Variants in ABCD2 observed in about 807,000 individuals in gnomAD.
ABCD2 encodes ATP binding cassette subfamily D member 2.
ABCD2 carries 36 observed loss-of-function variants against 70.9 expected under a neutral mutation model. That is an observed-to-expected ratio of 0.51 (90% CI 0.39 to 0.67). The LOEUF is 0.67. Among genes scored for constraint, ABCD2 ranks in the 30% least tolerant of loss-of-function variants. ABCD2 has a pLI of 0.00. For missense variants in ABCD2, 729 were observed against 890.2 expected (o/e 0.82, Z 2.30); for synonymous variants, 304 against 306.9 (o/e 0.99, Z 0.10).
rs1247693957 is a variant in ABCD2 at position 39,619,177 on chromosome 12, A to T, written c.439T>A (p.Leu147Ile). Reference protein sequence around the residue: ...EKKPRTFIIKLIKWLMIAIPA... With the variant: ...EKKPRTFIIKIIKWLMIAIPA... ...ATGGCAATCATAAGCCACTTGATTA[A>T]TTTGATGATGAAAGTCCGAGGCTTC... Residue 147 changes from leucine (L) to isoleucine (I), a missense_variant, in exon 1 of 10, where the codon TTA becomes ATA. Transcript: ENST00000308666. 1 of 1,614,218 alleles carries T rather than the reference A, an allele frequency of 6.2e-7. No individual in the cohort carries two copies. The highest frequency in any genetic ancestry group is 1.7e-5 in the Admixed American group (1 of 60,036).
Position 39,551,161 on chromosome 12 carries a change from AC to A in ABCD2, c.*2750del, listed in dbSNP as rs376850848. ...CTTACAAGAACACAAACTGTTTTAG[AC>A]TCATGCTTGGCATAACATTACATGC... On this transcript the variant is annotated 3_prime_UTR_variant, in exon 10 of 10. Transcript: ENST00000308666. The A allele has an allele frequency of 2.1e-3, 317 of 151,740 alleles. 1 individual carries two copies. The highest frequency in any genetic ancestry group is 7.2e-3 in the African/African-American group (297 of 41,528). 9.4% of individuals were successfully genotyped at this position (151,740 alleles called of 1,614,324 possible).
chr12:39,609,922 G>A (rs1942022630), intron 2 of ABCD2, among the ~76,000 whole-genome samples: 1 of 152,080 alleles, frequency 6.6e-6, no homozygotes. Context: ...TTTTTCCTGA[G>A]AGAGCTTACA....
rs530551254 is a variant in ABCD2, at chr12:39,589,476, G to A, written c.1647-3179C>T. On this transcript the variant is annotated intron_variant, in intron 6 of 9. Coordinates refer to ENST00000308666, the MANE Select transcript of ABCD2 (RefSeq NM_005164.4). ...ATCTCGGTGGCTCACTGCAAGCTCC[G>A]CCTCCCGGGTTCTCGCTGTTCTCTT... Among the ~76,000 whole-genome samples the A allele has an allele frequency of 1.9e-3, 268 of 141,886 alleles. 1 individual carries two copies. Among genetic ancestry groups the A allele is most frequent in the African/African-American group, 6.3e-3 (241 of 38,032 alleles). 93.1% of individuals were successfully genotyped at this position (141,886 alleles called of 152,430 possible). A position where few individuals can be genotyped will look rare whatever the true frequency, so the allele number is the denominator to read the frequency against.
chr12:39,559,029 G>T (rs1941211843), intron 9 of ABCD2, among the ~76,000 whole-genome samples: 1 of 152,054 alleles, frequency 6.6e-6, no homozygotes, highest in Admixed American at 6.6e-5. Context: ...TATGAAGAAA[G>T]AATGAAAAGG....
intron 6 of ABCD2, among the ~76,000 whole-genome samples, chr12:39,592,676 G>A (rs776336184): frequency 6.6e-6 from 1 of 152,158 alleles, no homozygotes; most frequent in Non-Finnish European, 1.5e-5. Context: ...ATAGAGTTCT[G>A]TGAGGAGCTC....
the ABCD2 span, among the ~76,000 whole-genome samples, chr12:39,540,492 T>A: frequency 6.6e-6 from 1 of 152,230 alleles, no homozygotes; most frequent in Non-Finnish European, 1.5e-5. Flanking sequence ...AAAGCTATCC[T>A]TTGTGGGAAA....
At chr12:39,570,896 G>C (rs1941438050) in intron 9 of ABCD2, among the ~76,000 whole-genome samples, 1 of 151,986 alleles carries the variant, frequency 6.6e-6, no homozygotes, top group Admixed American at 6.6e-5. Context: ...CAACTAAATA[G>C]CAAGAAAATG....
chr12:39,612,271 C>T (rs1035738582), intron 2 of ABCD2, among the ~76,000 whole-genome samples: 1 of 152,092 alleles, frequency 6.6e-6, no homozygotes, highest in African/African-American at 2.4e-5. Flanking sequence ...AAGATCTGGA[C>T]AAAAATGTTC....
the ABCD2 span, among the ~76,000 whole-genome samples, chr12:39,543,339 CT>C: frequency 1.3e-5 from 2 of 152,182 alleles, no homozygotes; most frequent in African/African-American, 4.8e-5. Context: ...AATTACTCCT[CT>C]CCTCTCTAAG....
chr12:39,534,883 G>GGAAA, the ABCD2 span, among the ~76,000 whole-genome samples: 2,794 of 122,744 alleles, frequency 0.023, 56 homozygotes, highest in East Asian at 0.036. Context: ...AAGGAAGGAA[G>GGAAA]GAAAGAAAGA....
At chr12:39,536,772 G>A in the ABCD2 span, among the ~76,000 whole-genome samples, 48 of 152,238 alleles carry the variant, frequency 3.2e-4, no homozygotes, top group African/African-American at 1.1e-3. Context: ...TTATACCCCT[G>A]TGTTCCATTT....
chr12:39,608,687 CAAATAAAATAAAAT>C (rs1171728538), intron 2 of ABCD2, among the ~76,000 whole-genome samples: 2 of 151,056 alleles, frequency 1.3e-5, no homozygotes, highest in East Asian at 1.9e-4. Flanking sequence ...GACCCTGCCT[CAAATAAAATAAAAT>C]AAATAAAATA....
chr12:39,600,687 A>T lies in ABCD2; in HGVS notation c.1530T>A (p.Thr510=), dbSNP rs764221056. ...AACTTTTCCCACAACCATTGGGACC[A>T]GTTATCAAAAGATGCATTCCTTCTT... is the stretch of plus-strand genomic sequence containing the variant. ...KVEEGMHLLI[T]GPNGCGKSSL... The change falls in exon 6 of 10, where the codon ACT becomes ACA. Residue 510 remains threonine (T), a synonymous_variant. Transcript: ENST00000308666. 3 of 1,611,176 alleles carry T rather than the reference A, an allele frequency of 1.9e-6. No individual in the cohort carries two copies. The East Asian group carries it at 6.7e-5, about 36-fold the overall frequency.
At chr12:39,563,505 A>C (rs556301264) in intron 9 of ABCD2, among the ~76,000 whole-genome samples, 1 of 152,336 alleles carries the variant, frequency 6.6e-6, no homozygotes, top group East Asian at 1.9e-4. Context: ...AGTCCTACCC[A>C]GAGCAATTAG....
At chr12:39,532,898 G>A in the ABCD2 span, among the ~76,000 whole-genome samples, 1 of 152,106 alleles carries the variant, frequency 6.6e-6, no homozygotes, top group Admixed American at 6.6e-5. Flanking sequence ...AGTGGCTCAC[G>A]CCTGTAATCC....
intron 2 of ABCD2, among the ~76,000 whole-genome samples, chr12:39,613,286 T>C (rs1331132085): frequency 8.7e-6 from 1 of 114,808 alleles, no homozygotes; most frequent in Non-Finnish European, 1.7e-5. Flanking sequence ...CTTGGGAGGC[T>C]GAGGCAGGAG....
Position 39,603,982 on chromosome 12 carries a change from C to T in ABCD2, c.1430G>A (p.Gly477Glu). 6.2e-7 allele frequency: 1 copy of T among 1,612,188 alleles called. No homozygotes were observed. Among genetic ancestry groups the T allele is most frequent in the Admixed American group, 1.7e-5 (1 of 59,900 alleles). ...IKGKVIDVDH[G>E]IICENVPIIT... Reference sequence around the variant, plus strand: ...TATGGGAACATTTTCACAAATAATTCCGTGATCCACATCAATAACTTTTCC... The same window carrying T: ...TATGGGAACATTTTCACAAATAATTTCGTGATCCACATCAATAACTTTTCC... The change falls in exon 5 of 10, where the codon GGA becomes GAA. Residue 477 changes from glycine (G) to glutamate (E), a missense_variant. Transcript: ENST00000308666.
At chr12:39,580,253 T>A (rs1941578887) in intron 7 of ABCD2, among the ~76,000 whole-genome samples, 1 of 152,204 alleles carries the variant, frequency 6.6e-6, no homozygotes, top group Non-Finnish European at 1.5e-5. Context: ...CTACTAATTC[T>A]TGTGACATCT....
intron 6 of ABCD2, among the ~76,000 whole-genome samples, chr12:39,598,185 T>A (rs73268350): frequency 0.017 from 2,515 of 152,306 alleles, 84 homozygotes; most frequent in African/African-American, 0.056. Context: ...CAAGTAACAA[T>A]TAATGTACAT....
Sources: allele counts gnomAD v4.1 joint callset (sites outside exome capture counted in the v4.1 genomes callset), GRCh38; gene constraint gnomAD v4.1.1; transcripts MANE v1.5; gene names NCBI Gene and HGNC (gene_info 2026-07-23, HGNC 2026-07-21).